ANKRD30B: variants seen among roughly 807,000 people sequenced by gnomAD.
ANKRD30B encodes ankyrin repeat domain-containing protein 30B.
In ANKRD30B, 144 loss-of-function variants were observed where a neutral mutation model predicts 202.2. The ratio of observed to expected loss-of-function variants is 0.71; its 90% CI spans 0.62 to 0.82. ANKRD30B has a LOEUF of 0.82. Among genes scored for constraint, ANKRD30B ranks in the 40% least tolerant of loss-of-function variants. The pLI, the probability that ANKRD30B is intolerant of heterozygous loss-of-function variation, is 0.00. For missense variants in ANKRD30B, 1,487 were observed against 1,669.1 expected (o/e 0.89, Z 1.90); for synonymous variants, 508 against 561.3 (o/e 0.91, Z 1.34).
the ANKRD30B span, among the ~76,000 whole-genome samples, chr18:14,897,241 C>A: frequency 6.6e-6 from 1 of 152,150 alleles, no homozygotes; most frequent in Non-Finnish European, 1.5e-5. Flanking sequence ...GAAAAAGAGT[C>A]AGGGCCAAAT....
At chr18:14,769,410 C>G (rs1442366455) in intron 8 of ANKRD30B, 37 bp downstream of exon 8, 2 of 1,511,796 alleles carry the variant, frequency 1.3e-6, no homozygotes, top group Non-Finnish European at 1.8e-6. Context: ...AATAGGTTAA[C>G]TCAGAAAACA....
the ANKRD30B span, among the ~76,000 whole-genome samples, chr18:14,861,411 T>C: frequency 2.0e-5 from 3 of 151,660 alleles, no homozygotes; most frequent in Non-Finnish European, 4.4e-5. Context: ...AGGCTCAAAG[T>C]AAATGGATGG....
At chr18:14,792,273 A>C (rs1408781902) in intron 16 of ANKRD30B, among the ~76,000 whole-genome samples, 1 of 152,136 alleles carries the variant, frequency 6.6e-6, no homozygotes, top group Admixed American at 6.5e-5. Flanking sequence ...TGTGGGAAAA[A>C]TGTGGAAGAA....
the ANKRD30B span, among the ~76,000 whole-genome samples, chr18:14,911,909 C>T: frequency 1.5e-4 from 23 of 152,174 alleles, no homozygotes; most frequent in African/African-American, 5.3e-4. Context: ...CTTCTCAATT[C>T]GGTCCTCTGC....
In ANKRD30B at chr18:14,763,891, T is replaced by C; in HGVS notation, c.1026T>C (p.Pro342=). Residue 342 remains proline, a synonymous_variant, in exon 7 of 44, where the codon CCT becomes CCC. Transcript: ENST00000690538. ...AAACACCTAGGAAAATTTTGAGGCCTACAAAAGAAACATCTGAGAAATTTT... is the reference window on the plus strand; with the variant it reads ...AAACACCTAGGAAAATTTTGAGGCCCACAAAAGAAACATCTGAGAAATTTT... The part of the protein sequence containing the change: ...TEETPRKILR[P]TKETSEKFSW... The C allele has an allele frequency of 1.2e-6, 2 of 1,612,082 alleles. No individual in the cohort carries two copies. Among genetic ancestry groups the C allele is most frequent in the Non-Finnish European group, 1.7e-6 (2 of 1,178,984 alleles).
chr18:14,830,052 T>G (rs1347618443), intron 33 of ANKRD30B: 1 of 154,002 alleles, frequency 6.5e-6, no homozygotes, highest in African/African-American at 2.4e-5. Flanking sequence ...TGTTTAGTTG[T>G]TTTTCAGGAA....
the ANKRD30B span, among the ~76,000 whole-genome samples, chr18:14,875,783 A>T: frequency 2.0e-5 from 3 of 152,202 alleles, no homozygotes; most frequent in Non-Finnish European, 2.9e-5. Context: ...GGAGGCAGGC[A>T]AACCTGGTTT....
chr18:14,798,096 G>A (rs532563515), intron 20 of ANKRD30B, among the ~76,000 whole-genome samples: 10 of 152,212 alleles, frequency 6.6e-5, no homozygotes, highest in African/African-American at 2.4e-4. Context: ...AATGCAACGG[G>A]GCCTTGTCTT....
chr18:14,754,522 G>T (rs562987784), intron 3 of ANKRD30B, among the ~76,000 whole-genome samples: 7 of 152,142 alleles, frequency 4.6e-5, no homozygotes, highest in African/African-American at 9.6e-5. Flanking sequence ...TGCTCTAGAG[G>T]TAATATTATA....
chr18:14,847,768 T>C lies in ANKRD30B; in HGVS notation c.3182-948T>C, dbSNP rs1392816030. The stretch of plus-strand genomic sequence containing the variant: ...TCAGACTATTCATTTTCCTGTGAAG[T>C]CTGAGTCTTCCCAGGCAAATCTATA... On this transcript the variant is annotated intron_variant, in intron 39 of 43. Coordinates refer to ENST00000690538, the MANE Select transcript of ANKRD30B (RefSeq NM_001367607.2). Among the ~76,000 whole-genome samples, 8 of 151,796 alleles carry C rather than the reference T, an allele frequency of 5.3e-5. No individual in the cohort carries two copies. The Admixed American group carries it at 5.3e-4, about 10-fold the overall frequency.
chr18:14,874,635 A>G, the ANKRD30B span, among the ~76,000 whole-genome samples: 2 of 152,120 alleles, frequency 1.3e-5, no homozygotes, highest in Admixed American at 6.5e-5. Context: ...AAGGGAATAG[A>G]TGAAAGTGGT....
At chr18:14,914,862 C>G in the ANKRD30B span, among the ~76,000 whole-genome samples, 1 of 152,118 alleles carries the variant, frequency 6.6e-6, no homozygotes, top group Non-Finnish European at 1.5e-5. Flanking sequence ...ACATAGGGGT[C>G]TGAAGCTCAG....
At chr18:14,918,666 G>C in the ANKRD30B span, among the ~76,000 whole-genome samples, 1 of 152,130 alleles carries the variant, frequency 6.6e-6, no homozygotes, top group African/African-American at 2.4e-5. Context: ...GAAAAAAACT[G>C]TAAATATACA....
chr18:14,764,552 C>A (rs927098614), intron 7 of ANKRD30B, among the ~76,000 whole-genome samples: 5 of 140,408 alleles, frequency 3.6e-5, no homozygotes, highest in African/African-American at 1.3e-4. Flanking sequence ...CACCACCACA[C>A]CTGGCTGATT....
rs563291176 is a variant in ANKRD30B at position 14,848,730 on chromosome 18, T to C, written c.3196T>C (p.Ser1066Pro). 36 of 1,544,874 alleles carry C rather than the reference T, an allele frequency of 2.3e-5. 1 individual carries two copies. The East Asian group carries it at 7.3e-4, about 31-fold the overall frequency. ...QTLRADSTTL[S>P]KILDALPSCE... ...CCTTGAGACAGATTCAACTACCCTATCAAAAATCTTGGATGCACTTCCTTC... is the reference window on the plus strand; with the variant it reads ...CCTTGAGACAGATTCAACTACCCTACCAAAAATCTTGGATGCACTTCCTTC... Residue 1066 changes from serine (S) to proline (P), a missense_variant, in exon 40 of 44, where the codon TCA becomes CCA. Physicochemically the swap from Ser to Pro is moderately conservative, Grantham distance 74 (BLOSUM62 -1). Around this residue, in one of 6 missense-constraint regions of ANKRD30B, gnomAD observed 177 missense variants for 216.4 expected, o/e 0.82. Coordinates refer to ENST00000690538, the MANE Select transcript of ANKRD30B (RefSeq NM_001367607.2).
the ANKRD30B span, among the ~76,000 whole-genome samples, chr18:14,870,130 G>A: frequency 9.9e-5 from 15 of 152,152 alleles, no homozygotes; most frequent in East Asian, 1.9e-4. Flanking sequence ...GCCACCACGC[G>A]AAGCCTATTT....
intron 39 of ANKRD30B, among the ~76,000 whole-genome samples, chr18:14,846,010 C>T (rs1251036933): frequency 6.6e-6 from 1 of 151,988 alleles, no homozygotes. Flanking sequence ...AGGACAAAGA[C>T]ATTCAAACCA....
intron 6 of ANKRD30B, 40 bp downstream of exon 6, chr18:14,760,658 C>A: frequency 1.4e-6 from 2 of 1,392,308 alleles, no homozygotes; most frequent in South Asian, 1.3e-5. Flanking sequence ...ATGGTGCTAC[C>A]ATAAGATTAG....
At chr18:14,915,057 A>G in the ANKRD30B span, among the ~76,000 whole-genome samples, 1 of 152,196 alleles carries the variant, frequency 6.6e-6, no homozygotes, top group Admixed American at 6.5e-5. Context: ...TACGAAGTAA[A>G]TAGCAGCAGT....
Sources: gnomAD v4.1 joint callset for allele counts (sites outside exome capture counted in the v4.1 genomes callset) on GRCh38, gnomAD v4.1.1 for gene constraint, gnomAD v4.1.1 regional missense constraint, MANE v1.5 for transcripts, NCBI Gene and HGNC (gene_info 2026-07-23, HGNC 2026-07-21) for gene names.